Variants in SLC4A8 observed in about 807,000 individuals in gnomAD.
SLC4A8 encodes the protein solute carrier family 4 member 8.
In SLC4A8, 40 loss-of-function variants were observed where a neutral mutation model predicts 125.0. The observed-to-expected ratio is 0.32, with a 90% CI of 0.25 to 0.42. The LOEUF is 0.42. Ranked by LOEUF, SLC4A8 falls within the 10% of genes least tolerant of loss-of-function variation. SLC4A8 has a pLI of 1.00. For synonymous variants in SLC4A8, 456 were observed against 476.0 expected, an observed-to-expected ratio of 0.96 and a Z score of 0.55; for missense variants, 863 against 1,355.1, an observed-to-expected ratio of 0.64 and a Z score of 5.70.
chr12:51,514,207 G>A lies in SLC4A8; in HGVS notation c.*6769G>A, dbSNP rs1268194241. 6.6e-6 allele frequency: 1 copy of A among 152,570 alleles called. No individual in the cohort carries two copies. Among genetic ancestry groups the A allele is most frequent in the Non-Finnish European group, 1.5e-5 (1 of 68,040 alleles). The allele number at this position is 152,570 out of a possible 1,614,324, so 9.5% of individuals were successfully genotyped here. Reference sequence around the variant, plus strand: ...AGTTGTCTTTGCCAATTTGTTCCTGGATTTTCCTTGAACTTCTCAGGTTTC... The same window carrying A: ...AGTTGTCTTTGCCAATTTGTTCCTGAATTTTCCTTGAACTTCTCAGGTTTC... On this transcript the variant is annotated 3_prime_UTR_variant, in exon 25 of 25. Transcript: ENST00000453097.
At chr12:51,468,728 C>G (rs1950600412) in intron 11 of SLC4A8, among the ~76,000 whole-genome samples, 1 of 152,086 alleles carries the variant, frequency 6.6e-6, no homozygotes, top group African/African-American at 2.4e-5. Flanking sequence ...CCACTGCACT[C>G]CAACCTGGGC....
chr12:51,399,233 T>C (rs1030151345), intron 1 of SLC4A8, among the ~76,000 whole-genome samples: 15 of 152,324 alleles, frequency 9.8e-5, no homozygotes, highest in Non-Finnish European at 1.9e-4. Context: ...GTTTATTAAT[T>C]CCCGTGGAAT....
At chr12:51,425,521 T>C in intron 1 of SLC4A8, 9 of 764,512 alleles carry the variant, frequency 1.2e-5, no homozygotes, top group Non-Finnish European at 1.4e-5. Context: ...CAATCCCTGA[T>C]AGGGTGACCC....
chr12:51,432,367 C>T (rs1370051582), intron 1 of SLC4A8, among the ~76,000 whole-genome samples: 4 of 146,790 alleles, frequency 2.7e-5, no homozygotes, highest in African/African-American at 7.6e-5. Flanking sequence ...GCCAAGATGG[C>T]GCCACTGCAC....
At chr12:51,458,730 G>C in intron 7 of SLC4A8, 80 bp downstream of exon 7, 1 of 968,022 alleles carries the variant, frequency 1.0e-6, no homozygotes, top group Non-Finnish European at 1.7e-6. Context: ...CTGGAATCTG[G>C]GTAAGGTTTA....
At chr12:51,478,332 T>G (rs1009824101) in intron 16 of SLC4A8, among the ~76,000 whole-genome samples, 1 of 150,188 alleles carries the variant, frequency 6.7e-6, no homozygotes, top group Admixed American at 6.6e-5. Flanking sequence ...CCATCTACTT[T>G]GGAGGCTGAG....
intron 16 of SLC4A8, among the ~76,000 whole-genome samples, chr12:51,482,331 A>T (rs914806387): frequency 2.0e-5 from 3 of 152,136 alleles, no homozygotes; most frequent in Admixed American, 2.0e-4. Flanking sequence ...ACTTATTTTT[A>T]TATTTTTTAT....
chr12:51,396,659 A>G (rs1353649692), intron 1 of SLC4A8, among the ~76,000 whole-genome samples: 2 of 140,408 alleles, frequency 1.4e-5, no homozygotes, highest in Non-Finnish European at 3.1e-5. Context: ...CCTGGGCAAC[A>G]TAGTGAGACC....
chr12:51,440,285 C>A (rs1353541232), intron 1 of SLC4A8, among the ~76,000 whole-genome samples: 1 of 152,100 alleles, frequency 6.6e-6, no homozygotes, highest in Admixed American at 6.5e-5. Flanking sequence ...GCTCATGACA[C>A]GTCCTAGTAA....
intron 19 of SLC4A8, among the ~76,000 whole-genome samples, chr12:51,491,411 T>G (rs1592268691): frequency 6.6e-6 from 1 of 150,970 alleles, no homozygotes; most frequent in Non-Finnish European, 1.5e-5. Flanking sequence ...GCCAGAGAGG[T>G]GGGAGGAAAA....
At chr12:51,451,451 C>T (rs1337707134) in intron 3 of SLC4A8, among the ~76,000 whole-genome samples, 1 of 152,110 alleles carries the variant, frequency 6.6e-6, no homozygotes, top group East Asian at 1.9e-4. Flanking sequence ...TTGTTATTTA[C>T]TATAGGGTTA....
intron 1 of SLC4A8, among the ~76,000 whole-genome samples, chr12:51,408,222 A>G (rs1304358901): frequency 1.3e-5 from 2 of 152,068 alleles, no homozygotes; most frequent in Non-Finnish European, 2.9e-5. Context: ...AATTCAATCT[A>G]TAATGGGTTT....
chr12:51,427,790 G>C (rs984060509), intron 1 of SLC4A8, among the ~76,000 whole-genome samples: 1 of 152,180 alleles, frequency 6.6e-6, no homozygotes, highest in Non-Finnish European at 1.5e-5. Context: ...GTGAGCTACT[G>C]TCCTAGCCTT....
At chr12:51,461,439 C>T in intron 9 of SLC4A8, 148 bp downstream of exon 9, 1 of 559,462 alleles carries the variant, frequency 1.8e-6, no homozygotes, top group Non-Finnish European at 3.2e-6. Flanking sequence ...CTCTGAGAGC[C>T]CAGTGTGGAA....
chr12:51,392,912 C>T (rs1948176294), intron 1 of SLC4A8: 1 of 152,198 alleles, frequency 6.6e-6, no homozygotes, highest in African/African-American at 2.4e-5. Context: ...AATTTGAAAA[C>T]TTTCTATGGT....
chr12:51,452,768 T>G (rs7305295), intron 4 of SLC4A8, among the ~76,000 whole-genome samples: 79,653 of 151,968 alleles, frequency 0.52, 20,966 homozygotes, highest in African/African-American at 0.57. Flanking sequence ...GTAGGCTTCC[T>G]GAAGTGGTTG....
chr12:51,433,720 A>G (rs755163893), intron 1 of SLC4A8, among the ~76,000 whole-genome samples: 1 of 152,198 alleles, frequency 6.6e-6, no homozygotes, highest in African/African-American at 2.4e-5. Context: ...TTTCATTTTT[A>G]ATGATTTCAA....
chr12:51,481,232 C>T (rs1394332198), intron 16 of SLC4A8, among the ~76,000 whole-genome samples: 2 of 152,092 alleles, frequency 1.3e-5, no homozygotes, highest in African/African-American at 4.8e-5. Context: ...GTCCCCACCC[C>T]GTTTCTATTT....
chr12:51,488,140 G>A lies in SLC4A8; in HGVS notation c.2287-559G>A, dbSNP rs566015663. Among the ~76,000 whole-genome samples, 11 of 152,260 alleles carry A rather than the reference G, an allele frequency of 7.2e-5. 1 individual carries two copies. The highest frequency in any genetic ancestry group is 1.4e-4 in the African/African-American group (6 of 41,536). ...AGATTGACTGTTTCAAAGGGGATTC[G>A]GAACTATTACTGAGCAAAAGGGGCT... On this transcript the variant is annotated intron_variant, in intron 17 of 24. Coordinates refer to ENST00000453097, the MANE Select transcript of SLC4A8 (RefSeq NM_001039960.3).
Sources: allele counts gnomAD v4.1 joint callset (sites outside exome capture counted in the v4.1 genomes callset), GRCh38; gene constraint gnomAD v4.1.1; transcripts MANE v1.5; gene names NCBI Gene and HGNC (gene_info 2026-07-23, HGNC 2026-07-21).